The following MBNL1 variants were observed in gnomAD, a reference collection of about 807,000 sequenced individuals.
MBNL1 encodes muscleblind-like protein 1.
MBNL1 carries 8 observed loss-of-function variants against 42.2 expected under a neutral mutation model. That is an observed-to-expected ratio of 0.19 (90% CI 0.11 to 0.34). MBNL1 has a LOEUF of 0.34. Ranked by LOEUF, MBNL1 falls within the 10% of genes least tolerant of loss-of-function variation. The pLI, the probability that MBNL1 is intolerant of heterozygous loss-of-function variation, is 1.00. For missense variants in MBNL1, 309 were observed against 495.3 expected (o/e 0.62, Z 3.57); for synonymous variants, 169 against 173.9 (o/e 0.97, Z 0.22).
At chr3:152,433,478 C>T (rs566998792) in intron 4 of MBNL1, among the ~76,000 whole-genome samples, 5 of 152,206 alleles carry the variant, frequency 3.3e-5, no homozygotes, top group East Asian at 1.9e-4. Flanking sequence ...CGGCCGGGCG[C>T]GGTGGCTCAC....
intron 1 of MBNL1, among the ~76,000 whole-genome samples, chr3:152,295,129 C>T (rs921588492): frequency 2.6e-5 from 4 of 152,160 alleles, no homozygotes; most frequent in African/African-American, 9.7e-5. Flanking sequence ...GATTATCATC[C>T]TTGTCTATGT....
At position 152,433,727 on chromosome 3, in the gene MBNL1, G is replaced by A. The variant is rs190150713; in HGVS notation, c.549+807G>A. ...ATCGCGCCACTGCACTCCAGCCTGG[G>A]CGACAGAGCGAGACTCCGTCTCAAA... is the stretch of plus-strand genomic sequence containing the variant. On this transcript the variant is annotated intron_variant, in intron 4 of 9. Coordinates refer to ENST00000324210, the MANE Select transcript of MBNL1 (RefSeq NM_021038.5). Among the ~76,000 whole-genome samples the A allele has an allele frequency of 3.4e-3, 501 of 147,830 alleles. 1 individual carries two copies. The highest frequency in any genetic ancestry group is 5.7e-3 in the Non-Finnish European group (382 of 67,476).
chr3:152,313,456 T>C (rs895862898), intron 2 of MBNL1, among the ~76,000 whole-genome samples: 1 of 152,224 alleles, frequency 6.6e-6, no homozygotes, highest in Non-Finnish European at 1.5e-5. Flanking sequence ...CCCAAGCTGG[T>C]TTCCTTATCT....
intron 1 of MBNL1, among the ~76,000 whole-genome samples, chr3:152,292,786 T>C (rs1289333566): frequency 1.3e-5 from 2 of 152,142 alleles, no homozygotes; most frequent in Admixed American, 6.5e-5. Flanking sequence ...TTTTTTTTTT[T>C]CAGACAGGGT....
chr3:152,283,296 G>T (rs2049608779), intron 1 of MBNL1, among the ~76,000 whole-genome samples: 1 of 152,212 alleles, frequency 6.6e-6, no homozygotes, highest in Middle Eastern at 3.4e-3. Flanking sequence ...CTGGTATCAA[G>T]ACAAATGTTA....
intron 4 of MBNL1, among the ~76,000 whole-genome samples, chr3:152,443,360 T>C (rs577666436): frequency 1.3e-5 from 2 of 152,166 alleles, no homozygotes; most frequent in South Asian, 4.1e-4. Context: ...AGGGAGCAAA[T>C]AGCAGCTGAG....
chr3:152,247,194 T>G (rs926655518), intron 2 of MBNL1, among the ~76,000 whole-genome samples: 1 of 152,138 alleles, frequency 6.6e-6, no homozygotes, highest in African/African-American at 2.4e-5. Context: ...TGACCTGTTA[T>G]TGAAAAACAA....
chr3:152,437,821 T>C (rs897363616), intron 4 of MBNL1, among the ~76,000 whole-genome samples: 8 of 151,344 alleles, frequency 5.3e-5, no homozygotes, highest in Non-Finnish European at 1.2e-4. Flanking sequence ...TTGCCCAGGC[T>C]GGAGTGCGGT....
intron 2 of MBNL1, among the ~76,000 whole-genome samples, chr3:152,245,712 C>T (rs1395159482): frequency 2.0e-5 from 3 of 152,110 alleles, no homozygotes; most frequent in South Asian, 2.1e-4. Context: ...GTTTGTTTTA[C>T]GTATTTTCAT....
Position 152,459,046 on chromosome 3 carries a change from A to G in MBNL1, c.1093-225A>G, listed in dbSNP as rs528115319. The G allele has an allele frequency of 1.3e-3, 451 of 360,182 alleles. 1 individual carries two copies. The Middle Eastern group carries it at 0.016, about 13-fold the overall frequency. The allele number at this position is 360,182 out of a possible 1,614,324, so 22.3% of individuals were successfully genotyped here. A position where few individuals can be genotyped will look rare whatever the true frequency, so the allele number is the denominator to read the frequency against. ...TTGATAGTTTTACTTATTTCCTAAA[A>G]GCTGGTAACATTTATAGAATAGTAT... On this transcript the variant is annotated intron_variant, in intron 8 of 9. Transcript: ENST00000324210.
intron 2 of MBNL1, among the ~76,000 whole-genome samples, chr3:152,355,337 G>A (rs1399315858): frequency 6.6e-6 from 1 of 152,222 alleles, no homozygotes; most frequent in Non-Finnish European, 1.5e-5. Flanking sequence ...CAGTGCCTGC[G>A]TCCAGTTTAA....
chr3:152,388,954 C>T (rs982335944), intron 2 of MBNL1, among the ~76,000 whole-genome samples: 1 of 152,156 alleles, frequency 6.6e-6, no homozygotes, highest in Non-Finnish European at 1.5e-5. Flanking sequence ...TGAATGTAGA[C>T]ATTATTAATA....
upstream of MBNL1, chr3:152,268,656 C>T (rs766419839): frequency 2.7e-4 from 113 of 418,058 alleles, 2 homozygotes; most frequent in South Asian, 1.6e-3. Context: ...CCCGCGCGGG[C>T]TCCGGCTTCC....
At chr3:152,443,315 C>G (rs912073937) in intron 4 of MBNL1, among the ~76,000 whole-genome samples, 1 of 151,884 alleles carries the variant, frequency 6.6e-6, no homozygotes, top group East Asian at 1.9e-4. Flanking sequence ...GCTGCCAATT[C>G]ATTTTGAGCA....
At chr3:152,386,044 C>T (rs1194850063) in intron 2 of MBNL1, among the ~76,000 whole-genome samples, 16 of 151,816 alleles carry the variant, frequency 1.1e-4, no homozygotes, top group Admixed American at 7.9e-4. Context: ...AATGATCTTC[C>T]CCTTGGGTAG....
At position 152,340,952 on chromosome 3, in the gene MBNL1, C is replaced by T. The variant is rs185952014; in HGVS notation, c.174+40585C>T. On this transcript the variant is annotated intron_variant, in intron 2 of 9. Transcript: ENST00000324210. ...GACAGGAGACTGCAGCAGGCCTGCA[C>T]CTATACCACTTTCCTGAAGGTCTGG... 1.9e-4 allele frequency: 295 copies of T among 1,518,356 alleles called. 2 individuals carry two copies. The African/African-American group carries it at 4.0e-3, about 20-fold the overall frequency. The allele number at this position is 1,518,356 out of a possible 1,614,324, so 94.1% of individuals were successfully genotyped here. A position where few individuals can be genotyped will look rare whatever the true frequency, so the allele number is the denominator to read the frequency against.
rs764061460 is a variant in MBNL1, at chr3:152,401,507, G to C, written c.175-13434G>C. Among the ~76,000 whole-genome samples, 4 of 152,130 alleles carry C rather than the reference G, an allele frequency of 2.6e-5. No homozygotes were observed. The South Asian group carries it at 8.3e-4, about 32-fold the overall frequency. ...TGATTCTTACTTTGGCCTGAGGAAA[G>C]CTTTGTCACAGCTACTCTAGGAGCT... On this transcript the variant is annotated intron_variant, in intron 2 of 9. Coordinates refer to ENST00000324210, the MANE Select transcript of MBNL1 (RefSeq NM_021038.5).
intron 2 of MBNL1, among the ~76,000 whole-genome samples, chr3:152,308,644 T>C (rs1310565806): frequency 6.6e-6 from 1 of 152,166 alleles, no homozygotes; most frequent in Non-Finnish European, 1.5e-5. Context: ...TTGAATGTAG[T>C]GCTCATTGAT....
chr3:152,441,220 A>G (rs1223311455), intron 4 of MBNL1, among the ~76,000 whole-genome samples: 2 of 152,212 alleles, frequency 1.3e-5, no homozygotes, highest in Non-Finnish European at 2.9e-5. Flanking sequence ...TTAGAATCCC[A>G]GTGCTTTAAC....
Sources: gnomAD v4.1 joint callset for allele counts (sites outside exome capture counted in the v4.1 genomes callset) on GRCh38, gnomAD v4.1.1 for gene constraint, MANE v1.5 for transcripts, NCBI Gene and HGNC (gene_info 2026-07-23, HGNC 2026-07-21) for gene names.